Variants in TNFRSF21 observed in about 807,000 individuals in gnomAD.
TNFRSF21 encodes the protein TNF receptor superfamily member 21.
A neutral mutation model predicts 45.6 loss-of-function variants in TNFRSF21; 19 were observed. The observed-to-expected ratio is 0.42, with a 90% CI of 0.29 to 0.61. The LOEUF (loss-of-function observed/expected upper bound fraction) is 0.61. Among genes scored for constraint, TNFRSF21 ranks in the 20% least tolerant of loss-of-function variants. The pLI, the probability that TNFRSF21 is intolerant of heterozygous loss-of-function variation, is 0.23. For synonymous variants in TNFRSF21, 314 were observed against 335.5 expected (o/e 0.94, Z 0.70); for missense variants, 737 against 851.5 (o/e 0.87, Z 1.67).
chr6:47,268,096 C>T (rs939731790), intron 3 of TNFRSF21, among the ~76,000 whole-genome samples: 58 of 152,314 alleles, frequency 3.8e-4, no homozygotes, highest in African/African-American at 1.3e-3. Context: ...GCAGTGTATG[C>T]ACTAGTTCCC....
intron 1 of TNFRSF21, among the ~76,000 whole-genome samples, chr6:47,302,207 A>G (rs1045578293): frequency 6.6e-6 from 1 of 152,202 alleles, no homozygotes; most frequent in African/African-American, 2.4e-5. Flanking sequence ...ACACACAAAC[A>G]CATGACCTCT....
chr6:47,233,418 TAA>T (rs1004772472), intron 5 of TNFRSF21, among the ~76,000 whole-genome samples: 2 of 152,172 alleles, frequency 1.3e-5, no homozygotes, highest in African/African-American at 2.4e-5. Context: ...TTTACTAAAC[TAA>T]GATATACATA....
chr6:47,309,268 C>T, intron 1 of TNFRSF21, 148 bp downstream of exon 1: 1 of 1,165,410 alleles, frequency 8.6e-7, no homozygotes, highest in Non-Finnish European at 1.1e-6. Context: ...GGTGTGTTGC[C>T]TTCCCTTGGA....
At chr6:47,308,998 G>T (rs547414229) in intron 1 of TNFRSF21, among the ~76,000 whole-genome samples, 1 of 152,136 alleles carries the variant, frequency 6.6e-6, no homozygotes, top group South Asian at 2.1e-4. Flanking sequence ...GGCCTCGGCC[G>T]GCCGTGGGAG....
At position 47,245,450 on chromosome 6, in the gene TNFRSF21, G is replaced by T. The variant is rs914396158; in HGVS notation, c.1509+7806C>A. On this transcript the variant is annotated intron_variant, in intron 4 of 5. Transcript: ENST00000296861. Reference sequence around the variant, plus strand: ...GAAGTGTGTGTGTGTGTGTGTGTGTGTGTGTGTTTGTGTGTGTGTGTGTGT... The same window carrying T: ...GAAGTGTGTGTGTGTGTGTGTGTGTTTGTGTGTTTGTGTGTGTGTGTGTGT... Among the ~76,000 whole-genome samples, 1,178 of 129,530 alleles carry T rather than the reference G, an allele frequency of 9.1e-3. 20 individuals are homozygous for T. The highest frequency in any genetic ancestry group is 0.038 in the African/African-American group (1,098 of 28,736). The allele number at this position is 129,530 out of a possible 152,430, so 85.0% of individuals were successfully genotyped here. A position where few individuals can be genotyped will look rare whatever the true frequency, so the allele number is the denominator to read the frequency against.
In TNFRSF21 at chr6:47,231,571, G is replaced by A. The variant is rs1396418222; in HGVS notation, c.*1194C>T. The A allele has an allele frequency of 6.6e-6, 1 of 152,536 alleles. No homozygotes were observed. The highest frequency in any genetic ancestry group is 2.4e-5 in the African/African-American group (1 of 41,400). The allele number at this position is 152,536 out of a possible 1,614,324, so 9.4% of individuals were successfully genotyped here. ...TGTTTATTAATAAATTAGTACACTT[G>A]AAGGCATTTTTCTGATATCGGTCCT... On this transcript the variant is annotated 3_prime_UTR_variant, in exon 6 of 6. Transcript: ENST00000296861.
intron 3 of TNFRSF21, among the ~76,000 whole-genome samples, chr6:47,267,905 A>C (rs906975313): frequency 1.3e-5 from 2 of 152,284 alleles, no homozygotes; most frequent in Middle Eastern, 3.4e-3. Context: ...TTTGAATATA[A>C]ATATCTTGAA....
At chr6:47,245,127 AC>A (rs924786386) in intron 4 of TNFRSF21, among the ~76,000 whole-genome samples, 21 of 152,068 alleles carry the variant, frequency 1.4e-4, no homozygotes, top group Admixed American at 3.9e-4. Flanking sequence ...AATGTCATCC[AC>A]TAACAGACCC....
chr6:47,253,936 C>T (rs909416037), intron 3 of TNFRSF21, among the ~76,000 whole-genome samples: 10 of 152,192 alleles, frequency 6.6e-5, no homozygotes, highest in African/African-American at 1.4e-4. Context: ...ATACATACTA[C>T]GCATGAATTT....
In TNFRSF21 at chr6:47,305,004, C is replaced by T. The variant is rs184075094; in HGVS notation, c.96+4412G>A. ...AAGTTGCTTTCTCTACTGAGGCTAA[C>T]GTATGTCATTCTCAGATTTGAAAGT... On this transcript the variant is annotated intron_variant, in intron 1 of 5. Transcript: ENST00000296861. Among the ~76,000 whole-genome samples, 476 of 152,290 alleles carry T rather than the reference C, an allele frequency of 3.1e-3. 4 individuals are homozygous for T. Among genetic ancestry groups the T allele is most frequent in the African/African-American group, 0.01 (420 of 41,558 alleles).
intron 3 of TNFRSF21, among the ~76,000 whole-genome samples, chr6:47,254,943 G>A (rs1307603205): frequency 6.6e-6 from 1 of 152,186 alleles, no homozygotes; most frequent in Non-Finnish European, 1.5e-5. Context: ...AGGTAGGTGA[G>A]TTGGTTATTG....
At chr6:47,243,888 T>C (rs1321345579) in intron 4 of TNFRSF21, among the ~76,000 whole-genome samples, 1 of 151,444 alleles carries the variant, frequency 6.6e-6, no homozygotes, top group East Asian at 1.9e-4. Flanking sequence ...CCTCACTCTT[T>C]TGCTATTACA....
At chr6:47,273,906 A>G (rs1442171135) in intron 3 of TNFRSF21, among the ~76,000 whole-genome samples, 1 of 152,202 alleles carries the variant, frequency 6.6e-6, no homozygotes, top group Non-Finnish European at 1.5e-5. Context: ...AAAGAAAATA[A>G]AATACCTAGG....
chr6:47,268,913 G>A (rs370672200), intron 3 of TNFRSF21, among the ~76,000 whole-genome samples: 3 of 152,020 alleles, frequency 2.0e-5, no homozygotes, highest in Non-Finnish European at 2.9e-5. Context: ...TTTTGCAATC[G>A]CCTGTGTGTT....
chr6:47,299,383 A>G (rs951654883), intron 1 of TNFRSF21, among the ~76,000 whole-genome samples: 4 of 152,022 alleles, frequency 2.6e-5, no homozygotes, highest in African/African-American at 9.7e-5. Flanking sequence ...AATCCCAGCT[A>G]CTCAGGAGGC....
intron 3 of TNFRSF21, among the ~76,000 whole-genome samples, chr6:47,268,998 C>G (rs1762375017): frequency 6.6e-6 from 1 of 152,186 alleles, no homozygotes; most frequent in Non-Finnish European, 1.5e-5. Flanking sequence ...ACCCTGCAGT[C>G]CTTTGACCAG....
intron 4 of TNFRSF21, among the ~76,000 whole-genome samples, chr6:47,245,296 GTGTTT>G (rs1471836512): frequency 6.6e-6 from 1 of 152,186 alleles, no homozygotes; most frequent in East Asian, 1.9e-4. Flanking sequence ...ATTCTGCTTT[GTGTTT>G]TGTTTTGTTT....
intron 1 of TNFRSF21, among the ~76,000 whole-genome samples, chr6:47,300,616 C>A (rs1431988537): frequency 1.3e-5 from 2 of 152,172 alleles, no homozygotes; most frequent in African/African-American, 2.4e-5. Flanking sequence ...ATGGCCCCTG[C>A]CTGCCTTTTC....
chr6:47,304,184 T>C (rs1762907529), intron 1 of TNFRSF21, among the ~76,000 whole-genome samples: 1 of 151,892 alleles, frequency 6.6e-6, no homozygotes, highest in Admixed American at 6.6e-5. Context: ...AACAGAATAT[T>C]AGTGCTTTCT....
Sources: gnomAD v4.1 joint callset for allele counts (sites outside exome capture counted in the v4.1 genomes callset) on GRCh38, gnomAD v4.1.1 for gene constraint, MANE v1.5 for transcripts, NCBI Gene and HGNC (gene_info 2026-07-23, HGNC 2026-07-21) for gene names.